Variants in RBM6 observed in about 807,000 individuals in gnomAD.
RBM6 encodes RNA-binding protein 6.
RBM6 carries 23 observed loss-of-function variants against 140.4 expected under a neutral mutation model. The observed-to-expected ratio is 0.16, with a 90% CI of 0.12 to 0.23. RBM6 has a LOEUF of 0.23. RBM6 is among the 10% of genes least tolerant of loss of function. The pLI is 1.00. For missense variants in RBM6, 1,139 were observed against 1,386.7 expected, an observed-to-expected ratio of 0.82 and a Z score of 2.84; for synonymous variants, 439 against 475.6, an observed-to-expected ratio of 0.92 and a Z score of 1.00.
intron 9 of RBM6, 71 bp downstream of exon 9, chr3:50,058,074 C>G (rs2089786505): frequency 6.6e-7 from 1 of 1,526,574 alleles, no homozygotes; most frequent in African/African-American, 1.4e-5. Context: ...AATGTTATGT[C>G]CGGGAGCTAT....
intron 6 of RBM6, among the ~76,000 whole-genome samples, chr3:50,013,238 T>C (rs980834274): frequency 6.6e-6 from 1 of 152,106 alleles, no homozygotes; most frequent in African/African-American, 2.4e-5. Flanking sequence ...TGGAAGGCGA[T>C]TGGGATTTAC....
intron 6 of RBM6, among the ~76,000 whole-genome samples, chr3:50,029,549 A>G (rs1414482235): frequency 6.6e-6 from 1 of 152,030 alleles, no homozygotes; most frequent in African/African-American, 2.4e-5. Context: ...CCTAGCCAAT[A>G]TGGCGAAACC....
intron 2 of RBM6, chr3:49,963,135 GA>G (rs2084360236): frequency 6.6e-6 from 1 of 150,612 alleles, no homozygotes; most frequent in Non-Finnish European, 1.5e-5. Context: ...GAAAAAAAAA[GA>G]AAAATAGAAA....
At chr3:49,948,773 G>A (rs1248003920) in intron 1 of RBM6, among the ~76,000 whole-genome samples, 2 of 148,816 alleles carry the variant, frequency 1.3e-5, no homozygotes, top group African/African-American at 4.9e-5. Context: ...AGTGAGCTGA[G>A]ATTGCACCCT....
Position 50,070,509 on chromosome 3 carries a change from T to A in RBM6, c.3073T>A (p.Ser1025Thr). 6.2e-7 allele frequency: 1 copy of A among 1,614,018 alleles called. No homozygotes were observed. Among genetic ancestry groups the A allele is most frequent in the Non-Finnish European group, 8.5e-7 (1 of 1,179,936 alleles). ...CAGGGAAAAGCTCCAGTCTTTTGAC[T>A]CTCCAGAAAGGAAACGGATTAAGTA... ...DRREKLQSFD[S>T]PERKRIKYSR... The change falls in exon 19 of 21, where the codon TCT (serine) becomes ACT (threonine). Residue 1025 changes from serine to threonine, a missense_variant. Around this residue, in one of 9 missense-constraint regions of RBM6, gnomAD observed 125 missense variants for 142.0 expected, o/e 0.88. Transcript: ENST00000266022.
chr3:50,061,599 T>C, intron 14 of RBM6, 52 bp downstream of exon 14: 1 of 1,539,598 alleles, frequency 6.5e-7, no homozygotes, highest in Non-Finnish European at 8.6e-7. Context: ...CTGTCAATGA[T>C]TCTTTTGAGA....
At chr3:49,958,775 A>G (rs1305779083) in intron 1 of RBM6, among the ~76,000 whole-genome samples, 1 of 148,090 alleles carries the variant, frequency 6.8e-6, no homozygotes, top group Non-Finnish European at 1.5e-5. Flanking sequence ...TTCATTCTGA[A>G]GAATTCCTTT....
chr3:50,075,819 TCTC>T (rs967843603), intron 20 of RBM6, among the ~76,000 whole-genome samples: 2 of 152,138 alleles, frequency 1.3e-5, no homozygotes, highest in African/African-American at 2.4e-5. Context: ...TTGGCTTGCT[TCTC>T]CTCTGAAAAT....
chr3:49,966,260 C>G (rs1212663039), intron 2 of RBM6, among the ~76,000 whole-genome samples: 1 of 152,112 alleles, frequency 6.6e-6, no homozygotes, highest in Non-Finnish European at 1.5e-5. Context: ...TATGATAGAC[C>G]CTGTATGTTC....
intron 7 of RBM6, among the ~76,000 whole-genome samples, chr3:50,052,095 TG>T (rs1023993029): frequency 1.3e-5 from 2 of 152,146 alleles, no homozygotes; most frequent in African/African-American, 4.8e-5. Flanking sequence ...GAGAGAGTCT[TG>T]GTTTGTCACC....
chr3:49,996,088 G>C (rs185655461), intron 5 of RBM6, among the ~76,000 whole-genome samples: 1 of 152,204 alleles, frequency 6.6e-6, no homozygotes, highest in Non-Finnish European at 1.5e-5. Context: ...ATGGGCAGTG[G>C]GGATGAGACT....
At chr3:49,980,498 G>C (rs2085259299) in intron 5 of RBM6, among the ~76,000 whole-genome samples, 1 of 151,712 alleles carries the variant, frequency 6.6e-6, no homozygotes, top group Non-Finnish European at 1.5e-5. Flanking sequence ...GGTGGCTCAC[G>C]CCTGTAATCC....
At chr3:50,069,607 T>C (rs1007656987) in intron 18 of RBM6, among the ~76,000 whole-genome samples, 1 of 151,760 alleles carries the variant, frequency 6.6e-6, no homozygotes, top group Non-Finnish European at 1.5e-5. Flanking sequence ...GGAGAATTGC[T>C]TGAGCCCAAG....
intron 1 of RBM6, chr3:49,941,068 G>A (rs1169371491): frequency 6.6e-6 from 1 of 151,950 alleles, no homozygotes; most frequent in African/African-American, 2.4e-5. Flanking sequence ...TCTGAACCCT[G>A]GATTGTGCCC....
At chr3:50,072,083 CAA>C (rs974465674) in intron 19 of RBM6, among the ~76,000 whole-genome samples, 7 of 41,454 alleles carry the variant, frequency 1.7e-4, no homozygotes, top group East Asian at 8.0e-4. Context: ...GACTCTGTCT[CAA>C]AAAAAAAAAA....
chr3:50,019,323 G>T (rs890847912), intron 6 of RBM6, among the ~76,000 whole-genome samples: 1 of 152,074 alleles, frequency 6.6e-6, no homozygotes, highest in Non-Finnish European at 1.5e-5. Context: ...ACCATGCCTG[G>T]CCTCCTTTGG....
chr3:50,063,887 GA>G (rs2090029317), intron 15 of RBM6, among the ~76,000 whole-genome samples: 1 of 152,034 alleles, frequency 6.6e-6, no homozygotes, highest in African/African-American at 2.4e-5. Flanking sequence ...ATGCATTAGT[GA>G]AAATGGATGA....
chr3:50,059,783 C>G lies in RBM6; in HGVS notation c.2228+37C>G, dbSNP rs191156009. On this transcript the variant is annotated intron_variant, in intron 11 of 20. Transcript: ENST00000266022. Reference sequence around the variant, plus strand: ...GGGTGAGGATCTCTTGTGCTGCCCCCACTTGTGTTTTTGAGAGGAAACTCC... The same window carrying G: ...GGGTGAGGATCTCTTGTGCTGCCCCGACTTGTGTTTTTGAGAGGAAACTCC... 7.2e-6 allele frequency: 11 copies of G among 1,533,992 alleles called. No homozygotes were observed. In the East Asian group the frequency reaches 2.0e-4, roughly 29 times the overall value.
intron 5 of RBM6, among the ~76,000 whole-genome samples, chr3:49,984,054 C>G (rs9827140): frequency 1 from 152,096 of 152,348 alleles, 75,927 homozygotes; most frequent in Middle Eastern, 1. Flanking sequence ...CACTTTGGAA[C>G]GCCAAGGCCA....
Sources: gnomAD v4.1 joint callset for allele counts (sites outside exome capture counted in the v4.1 genomes callset) on GRCh38, gnomAD v4.1.1 for gene constraint, gnomAD v4.1.1 regional missense constraint, MANE v1.5 for transcripts, NCBI Gene and HGNC (gene_info 2026-07-23, HGNC 2026-07-21) for gene names.